The following RNF4 variants were observed in gnomAD, a reference collection of about 807,000 sequenced individuals.
RNF4 encodes the protein E3 ubiquitin-protein ligase RNF4.
Under a neutral mutation model 24.3 loss-of-function variants are expected in RNF4, and 7 were observed. That is an observed-to-expected ratio of 0.29 (90% CI 0.16 to 0.54). RNF4 has a LOEUF of 0.54. Among genes scored for constraint, RNF4 ranks in the 20% least tolerant of loss-of-function variants. The pLI is 0.95. For synonymous variants in RNF4, 83 were observed against 84.3 expected, an observed-to-expected ratio of 0.98 and a Z score of 0.09; for missense variants, 209 against 248.5, an observed-to-expected ratio of 0.84 and a Z score of 1.07.
At chr4:2,483,831 TTTTATTTA>T (rs957819604) in intron 1 of RNF4, among the ~76,000 whole-genome samples, 2 of 151,840 alleles carry the variant, frequency 1.3e-5, no homozygotes, top group African/African-American at 2.4e-5. Flanking sequence ...TTTTATTGAT[TTTTATTTA>T]TTTATTTATT....
chr4:2,479,809 A>G (rs903631096), intron 1 of RNF4: 8 of 152,120 alleles, frequency 5.3e-5, no homozygotes, highest in Non-Finnish European at 8.8e-5. Context: ...GACTGTTTTT[A>G]CTTGCAATGT....
chr4:2,488,956 A>C (rs1001198189), intron 1 of RNF4, among the ~76,000 whole-genome samples: 11 of 152,086 alleles, frequency 7.2e-5, no homozygotes, highest in Non-Finnish European at 1.6e-4. Flanking sequence ...AATTACAGGC[A>C]TCCACCACCA....
chr4:2,513,470 C>A (rs1200319739), intron 7 of RNF4, among the ~76,000 whole-genome samples, 200 bp from the exon 8 acceptor site: 3 of 152,192 alleles, frequency 2.0e-5, no homozygotes, highest in Non-Finnish European at 2.9e-5. Context: ...TGTTGAGATG[C>A]CATGGCCCCT....
At chr4:2,495,999 G>A (rs115156037) in intron 2 of RNF4, among the ~76,000 whole-genome samples, 1 of 152,340 alleles carries the variant, frequency 6.6e-6, no homozygotes, top group Non-Finnish European at 1.5e-5. Context: ...GACCAGAAAT[G>A]CTGGAGCATA....
intron 3 of RNF4, among the ~76,000 whole-genome samples, chr4:2,499,681 C>G (rs529365121): frequency 1.4e-4 from 22 of 152,242 alleles, no homozygotes; most frequent in African/African-American, 5.1e-4. Flanking sequence ...ACTGTTTGGT[C>G]CATGTCCTTC....
intron 3 of RNF4, among the ~76,000 whole-genome samples, chr4:2,498,025 A>G (rs932219388): frequency 1.3e-5 from 2 of 152,158 alleles, no homozygotes; most frequent in African/African-American, 4.8e-5. Flanking sequence ...ATGGTCTCTG[A>G]GTTTCACTTC....
At chr4:2,481,587 C>G (rs1310307183) in intron 1 of RNF4, among the ~76,000 whole-genome samples, 2 of 152,166 alleles carry the variant, frequency 1.3e-5, no homozygotes. Context: ...TGGCGCTTTT[C>G]AGTTCCTTGG....
intron 4 of RNF4, among the ~76,000 whole-genome samples, chr4:2,508,497 G>C (rs1736167938): frequency 1.3e-5 from 2 of 152,220 alleles, no homozygotes; most frequent in South Asian, 4.1e-4. Flanking sequence ...TGGGTGGAGG[G>C]AACACCAGTA....
intron 3 of RNF4, among the ~76,000 whole-genome samples, chr4:2,498,676 C>T (rs757482810): frequency 8.6e-5 from 13 of 151,932 alleles, no homozygotes; most frequent in Non-Finnish European, 1.6e-4. Context: ...CTTTATGATA[C>T]AAGAAAATAA....
chr4:2,482,645 T>C (rs1735277251), intron 1 of RNF4, among the ~76,000 whole-genome samples: 1 of 152,238 alleles, frequency 6.6e-6, no homozygotes, highest in South Asian at 2.1e-4. Context: ...GCCTGATTGC[T>C]GGTGGCAGCT....
intron 4 of RNF4, among the ~76,000 whole-genome samples, chr4:2,501,225 GTGCC>G (rs144084399): frequency 1.2e-3 from 182 of 152,386 alleles, no homozygotes; most frequent in African/African-American, 4.2e-3. Context: ...CCGTGTTTGA[GTGCC>G]TGACACCTAG....
chr4:2,489,186 C>T (rs1374531396), intron 1 of RNF4, among the ~76,000 whole-genome samples: 4 of 152,216 alleles, frequency 2.6e-5, no homozygotes, highest in Non-Finnish European at 5.9e-5. Flanking sequence ...TGGCTCCACA[C>T]ACCATGCTTA....
intron 1 of RNF4, among the ~76,000 whole-genome samples, chr4:2,475,446 C>T (rs1418331499): frequency 4.6e-5 from 7 of 152,206 alleles, no homozygotes; most frequent in East Asian, 3.9e-4. Context: ...TCACGCCATT[C>T]TCCTGCCTCA....
In RNF4 at chr4:2,496,811, C is replaced by T. The variant is rs574885008; in HGVS notation, c.10-196C>T. Among the ~76,000 whole-genome samples the T allele has an allele frequency of 1.8e-4, 27 of 152,260 alleles. No individual in the cohort carries two copies. The South Asian group carries it at 4.6e-3, about 26-fold the overall frequency. On this transcript the variant is annotated intron_variant, in intron 2 of 7. Transcript: ENST00000314289. ...AGTTTTACTTTCTGGAATTTCTACT[C>T]ATTTTATGTTTTGGATGGTTTCTCT... is the stretch of plus-strand genomic sequence containing the variant.
chr4:2,505,537 G>C (rs1257594227), intron 4 of RNF4: 2 of 150,160 alleles, frequency 1.3e-5, no homozygotes, highest in Non-Finnish European at 3.0e-5. Flanking sequence ...ATGTTAGCCA[G>C]GATGGTCTCG....
In RNF4 at chr4:2,490,399, G is replaced by A; in HGVS notation, c.-95G>A. On this transcript the variant is annotated 5_prime_UTR_variant, in exon 2 of 8. Coordinates refer to ENST00000314289, the MANE Select transcript of RNF4 (RefSeq NM_002938.5). The stretch of plus-strand genomic sequence containing the variant: ...ATTTTGCAAGCCAGATGAGTAACCA[G>A]AGGGCATGAAAGGTTGAGAACATTT... The A allele has an allele frequency of 7.9e-7, 1 of 1,262,496 alleles. No homozygotes were observed. Among genetic ancestry groups the A allele is most frequent in the African/African-American group, 1.5e-5 (1 of 68,088 alleles). 78.2% of individuals were successfully genotyped at this position (1,262,496 alleles called of 1,614,324 possible).
chr4:2,497,712 G>A (rs958476543), intron 3 of RNF4, among the ~76,000 whole-genome samples: 5 of 152,154 alleles, frequency 3.3e-5, no homozygotes, highest in Non-Finnish European at 7.3e-5. Flanking sequence ...TCGGCTCACT[G>A]CAAGCTCCAC....
In RNF4 at chr4:2,514,732, G is replaced by A. The variant is rs570805128; in HGVS notation, c.*913G>A. 3 of 152,794 alleles carry A rather than the reference G, an allele frequency of 2.0e-5. No homozygotes were observed. The East Asian group carries it at 5.8e-4, about 29-fold the overall frequency. 9.5% of individuals were successfully genotyped at this position (152,794 alleles called of 1,614,324 possible). On this transcript the variant is annotated 3_prime_UTR_variant, in exon 8 of 8. Coordinates refer to ENST00000314289, the MANE Select transcript of RNF4 (RefSeq NM_002938.5). ...CCCACTGCCTAACGTCTGCCCCCGTGTAGATACTGAGAGGTGGTGGCAGTA... is the reference window on the plus strand; with the variant it reads ...CCCACTGCCTAACGTCTGCCCCCGTATAGATACTGAGAGGTGGTGGCAGTA...
In RNF4 at chr4:2,488,610, T is replaced by A. The variant is rs887860218; in HGVS notation, c.-157-1727T>A. On this transcript the variant is annotated intron_variant, in intron 1 of 7. Transcript: ENST00000314289. Reference sequence around the variant, plus strand: ...GGGGCTGAGTGTGGTGATGGGTATGTGTCAGCCCACAGACACTGAGCCTTT... The same window carrying A: ...GGGGCTGAGTGTGGTGATGGGTATGAGTCAGCCCACAGACACTGAGCCTTT... Among the ~76,000 whole-genome samples the A allele has an allele frequency of 5.3e-5, 8 of 152,286 alleles. No individual in the cohort carries two copies. In the South Asian group the frequency reaches 8.3e-4, roughly 16 times the overall value.
Sources: gnomAD v4.1 joint callset for allele counts (sites outside exome capture counted in the v4.1 genomes callset) on GRCh38, gnomAD v4.1.1 for gene constraint, MANE v1.5 for transcripts, NCBI Gene and HGNC (gene_info 2026-07-23, HGNC 2026-07-21) for gene names.